Variants in TUSC3 observed in about 807,000 individuals in gnomAD.
TUSC3 encodes tumor suppressor candidate 3, also known as dolichyl-diphosphooligosaccharide--protein glycosyltransferase subunit TUSC3.
A neutral mutation model predicts 44.8 loss-of-function variants in TUSC3; 45 were observed. The observed-to-expected ratio is 1.00, with a 90% confidence interval of 0.79 to 1.29. The LOEUF is 1.29. Among genes scored for constraint, TUSC3 ranks in the 50% most tolerant of loss-of-function variants. TUSC3 has a pLI of 0.00. For synonymous variants in TUSC3, 212 were observed against 152.9 expected (o/e 1.39, Z -2.85); for missense variants, 519 against 437.9 (o/e 1.19, Z -1.65).
the TUSC3 span, among the ~76,000 whole-genome samples, chr8:15,778,199 T>C: frequency 6.6e-6 from 1 of 152,104 alleles, no homozygotes; most frequent in Admixed American, 6.6e-5. Flanking sequence ...CAAAGTTGCC[T>C]CTCCCACCTG....
intron 1 of TUSC3, among the ~76,000 whole-genome samples, chr8:15,471,948 A>G (rs1035317188): frequency 2.2e-4 from 33 of 152,180 alleles, no homozygotes; most frequent in African/African-American, 8.0e-4. Flanking sequence ...ATCATAGTTG[A>G]ATAACATAAT....
chr8:15,512,941 T>TGTATCTATATATATAATC (rs1801162156), intron 2 of TUSC3, among the ~76,000 whole-genome samples: 2 of 42,714 alleles, frequency 4.7e-5, no homozygotes, highest in Admixed American at 2.2e-4. Flanking sequence ...CATATATATA[T>TGTATCTATATATATAATC]ATATATATAT....
chr8:15,629,344 G>T lies in TUSC3; in HGVS notation c.308+6095G>T, dbSNP rs543868511. 5.3e-5 allele frequency among the ~76,000 whole-genome samples: 8 copies of T among 152,222 alleles called. No individual in the cohort carries two copies. In the South Asian group the frequency reaches 1.7e-3, roughly 32 times the overall value. On this transcript the variant is annotated intron_variant, in intron 2 of 10. Transcript: ENST00000503731. ...AGTGGTCTTGAGGTCTATTGTTATT[G>T]AGCCAGGAGAGCTCTGTAATCCATA...
chr8:15,554,274 A>C lies in TUSC3; in HGVS notation c.138+13706A>C, dbSNP rs78883677. Among the ~76,000 whole-genome samples, 1,411 of 151,854 alleles carry C rather than the reference A, an allele frequency of 9.3e-3. 26 individuals are homozygous for C. Among genetic ancestry groups the C allele is most frequent in the African/African-American group, 0.031 (1,304 of 41,508 alleles). ...AGGATTTAACTTTCCTAATATTTTGAACTCAGCATGGCCACATGACTAACT... is the reference window on the plus strand; with the variant it reads ...AGGATTTAACTTTCCTAATATTTTGCACTCAGCATGGCCACATGACTAACT... On this transcript the variant is annotated intron_variant, in intron 1 of 10. Coordinates refer to ENST00000503731, the MANE Select transcript of TUSC3 (RefSeq NM_006765.4).
intron 2 of TUSC3, among the ~76,000 whole-genome samples, chr8:15,491,214 C>G (rs375736959): frequency 6.6e-6 from 1 of 152,194 alleles, no homozygotes; most frequent in Admixed American, 6.5e-5. Flanking sequence ...GAGTTCTGTC[C>G]TTTGTCCCGT....
chr8:15,624,015 T>A (rs1432754075), intron 2 of TUSC3, among the ~76,000 whole-genome samples: 3 of 152,136 alleles, frequency 2.0e-5, no homozygotes, highest in African/African-American at 7.2e-5. Flanking sequence ...ACTAGTCTGT[T>A]CTCCATTTCT....
At chr8:15,809,553 T>C in the TUSC3 span, among the ~76,000 whole-genome samples, 1 of 152,210 alleles carries the variant, frequency 6.6e-6, no homozygotes, top group Non-Finnish European at 1.5e-5. Context: ...GTTTTTCCTA[T>C]ACATATATAC....
chr8:15,444,194 T>G (rs1024074128), intron 1 of TUSC3, among the ~76,000 whole-genome samples: 3 of 152,184 alleles, frequency 2.0e-5, no homozygotes, highest in Non-Finnish European at 4.4e-5. Context: ...CACTGCATCT[T>G]TGCTTCATGA....
chr8:15,695,092 A>G (rs1338954880), intron 6 of TUSC3, among the ~76,000 whole-genome samples: 2 of 152,180 alleles, frequency 1.3e-5, no homozygotes, highest in Non-Finnish European at 2.9e-5. Flanking sequence ...CGGAGAGGCC[A>G]CTAGTGTCAG....
chr8:15,473,132 A>G (rs1300609577), intron 1 of TUSC3, among the ~76,000 whole-genome samples: 2 of 152,310 alleles, frequency 1.3e-5, no homozygotes, highest in South Asian at 2.1e-4. Context: ...CTAATATAGT[A>G]TGTGCTCAGC....
chr8:15,623,423 A>G (rs79906870), intron 2 of TUSC3, among the ~76,000 whole-genome samples, 174 bp downstream of exon 2: 3,363 of 152,272 alleles, frequency 0.022, 111 homozygotes, highest in African/African-American at 0.075. Context: ...ATAGGCTAAT[A>G]TTCTTTTATT....
chr8:15,793,417 T>C, the TUSC3 span, among the ~76,000 whole-genome samples: 1 of 152,108 alleles, frequency 6.6e-6, no homozygotes, highest in African/African-American at 2.4e-5. Flanking sequence ...CTCAGGGCCT[T>C]TGCACTTCTT....
rs185103649 is a variant in TUSC3, at chr8:15,429,476, C to G, written n.91+12171C>G. Among the ~76,000 whole-genome samples, 298 of 150,708 alleles carry G rather than the reference C, an allele frequency of 2.0e-3. 14 individuals are homozygous for G. Among genetic ancestry groups the G allele is most frequent in the African/African-American group, 7.1e-3 (287 of 40,506 alleles). Reference sequence around the variant, plus strand: ...GGGCTCTTTTTTGGTTCCATATGAACTTCAAAGTAGTTTTTTCCAATTCTG... The same window carrying G: ...GGGCTCTTTTTTGGTTCCATATGAAGTTCAAAGTAGTTTTTTCCAATTCTG... On this transcript the variant is annotated intron_variant and non_coding_transcript_variant, in intron 1 of 5. Transcript: ENST00000503191.
chr8:15,613,097 A>G (rs904624702), intron 1 of TUSC3, among the ~76,000 whole-genome samples: 1 of 148,206 alleles, frequency 6.7e-6, no homozygotes, highest in African/African-American at 2.5e-5. Context: ...TATGTATTTT[A>G]TATGTGTTTG....
At chr8:15,584,362 A>C (rs73540525) in intron 1 of TUSC3, among the ~76,000 whole-genome samples, 8,471 of 152,222 alleles carry the variant, frequency 0.056, 348 homozygotes, top group African/African-American at 0.12. Context: ...TTCTGCTTAC[A>C]TGTAGGAATT....
intron 1 of TUSC3, among the ~76,000 whole-genome samples, chr8:15,475,520 TA>T (rs1800562888): frequency 6.6e-6 from 1 of 152,188 alleles, no homozygotes; most frequent in Non-Finnish European, 1.5e-5. Flanking sequence ...TAAATTCCCC[TA>T]GATAAACATT....
chr8:15,643,672 A>G (rs965169184), intron 2 of TUSC3, among the ~76,000 whole-genome samples: 11 of 152,302 alleles, frequency 7.2e-5, no homozygotes, highest in African/African-American at 1.7e-4. Flanking sequence ...CAATTACAAT[A>G]TGGTAGTGAA....
the TUSC3 span, among the ~76,000 whole-genome samples, chr8:15,839,272 G>T: frequency 1.3e-5 from 2 of 152,236 alleles, no homozygotes; most frequent in African/African-American, 4.8e-5. Context: ...AGATGATGGG[G>T]TTTTCTAAAT....
intron 9 of TUSC3, among the ~76,000 whole-genome samples, chr8:15,753,528 G>A (rs148962515): frequency 0.014 from 2,083 of 152,128 alleles, 37 homozygotes; most frequent in Admixed American, 0.041. Context: ...CAAAAAACCA[G>A]TTTTCCATTT....
Sources: allele counts gnomAD v4.1 joint callset (sites outside exome capture counted in the v4.1 genomes callset), GRCh38; gene constraint gnomAD v4.1.1; transcripts MANE v1.5; gene names NCBI Gene and HGNC (gene_info 2026-07-23, HGNC 2026-07-21).